Variants in ZNF354B observed in about 807,000 individuals in gnomAD.
ZNF354B encodes the protein zinc finger protein 354B.
In ZNF354B, 10 loss-of-function variants were observed where a neutral mutation model predicts 12.9. The ratio of observed to expected loss-of-function variants is 0.77; its 90% CI spans 0.48 to 1.31. The LOEUF is 1.31. ZNF354B is among the 40% of genes most tolerant of loss of function. The pLI is 0.00. For missense variants in ZNF354B, 614 were observed against 711.7 expected (o/e 0.86, Z 1.56); for synonymous variants, 260 against 243.7 (o/e 1.07, Z -0.62).
intron 4 of ZNF354B, among the ~76,000 whole-genome samples, chr5:178,870,110 G>A (rs955521163): frequency 6.6e-6 from 1 of 152,022 alleles, no homozygotes; most frequent in African/African-American, 2.4e-5. Context: ...CCAGGGGTTC[G>A]AGACCAACCT....
chr5:178,880,066 C>T (rs1402764380), intron 4 of ZNF354B, among the ~76,000 whole-genome samples: 1 of 152,044 alleles, frequency 6.6e-6, no homozygotes, highest in Non-Finnish European at 1.5e-5. Flanking sequence ...GTGGAGGTTG[C>T]AGTGAGCTGA....
chr5:178,866,508 AC>A, intron 3 of ZNF354B, 138 bp downstream of exon 3: 2 of 1,326,958 alleles, frequency 1.5e-6, no homozygotes, highest in Non-Finnish European at 2.0e-6. Context: ...CTGTAAATAA[AC>A]ATTGATAACT....
At chr5:178,867,148 T>C (rs1427814182) in intron 4 of ZNF354B, 77 bp downstream of exon 4, 1 of 1,366,470 alleles carries the variant, frequency 7.3e-7, no homozygotes, top group African/African-American at 1.5e-5. Flanking sequence ...GGAACATTGG[T>C]TGGGAAACTC....
chr5:178,882,249 G>T (rs761259107), intron 4 of ZNF354B, among the ~76,000 whole-genome samples: 2 of 152,150 alleles, frequency 1.3e-5, no homozygotes, highest in Non-Finnish European at 2.9e-5. Flanking sequence ...ATAATAAGGG[G>T]AGTGAGTTGT....
chr5:178,874,603 T>C (rs1395088268), intron 4 of ZNF354B, among the ~76,000 whole-genome samples: 1 of 152,240 alleles, frequency 6.6e-6, no homozygotes. Context: ...TGGTTCTTTC[T>C]TATCATGGCC....
chr5:178,873,546 G>A (rs79864709), intron 4 of ZNF354B, among the ~76,000 whole-genome samples: 5,937 of 152,118 alleles, frequency 0.039, 407 homozygotes, highest in African/African-American at 0.14. Context: ...TTTCCTCTGC[G>A]GAGTTCTTTG....
In ZNF354B at chr5:178,883,071, AT is replaced by A; in HGVS notation, c.620del (p.Ile207ThrfsTer42). 1.2e-6 allele frequency: 2 copies of A among 1,605,774 alleles called. No individual in the cohort carries two copies. Among genetic ancestry groups the A allele is most frequent in the Non-Finnish European group, 1.7e-6 (2 of 1,177,980 alleles). ...TTCAAATTTACTTAACCAATCAAAA[AT>A]CAAAACAGCAGAGAAACGCTATAAA... ...QNSNLLNQSK[I>X]KTAEKRYKCS... On this transcript the variant is annotated frameshift_variant, in exon 5 of 5. Coordinates refer to ENST00000322434, the MANE Select transcript of ZNF354B (RefSeq NM_058230.3). LOFTEE classifies it low-confidence loss of function (END_TRUNC).
intron 4 of ZNF354B, among the ~76,000 whole-genome samples, chr5:178,881,422 G>C (rs1156768561): frequency 1.3e-5 from 2 of 152,236 alleles, no homozygotes; most frequent in African/African-American, 4.8e-5. Flanking sequence ...TTAATGCACT[G>C]ACATTTGTAT....
In ZNF354B at chr5:178,882,996, G is replaced by A; in HGVS notation, c.544G>A (p.Glu182Lys). Residue 182 changes from glutamate (E) to lysine (K), a missense_variant, in exon 5 of 5, where the codon GAA (glutamate) becomes AAA (lysine). Glu to Lys is a moderately conservative substitution (Grantham distance 56, BLOSUM62 1). Transcript: ENST00000322434. The part of the protein sequence containing the change: ...VFIKQQRFAK[E>K]KTPSKCEIQR... Reference sequence around the variant, plus strand: ...CATTAAGCAACAGAGATTTGCTAAAGAAAAAACTCCATCAAAATGTGAAAT... The same window carrying A: ...CATTAAGCAACAGAGATTTGCTAAAAAAAAAACTCCATCAAAATGTGAAAT... 1 of 1,606,932 alleles carries A rather than the reference G, an allele frequency of 6.2e-7. No homozygotes were observed. Among genetic ancestry groups the A allele is most frequent in the African/African-American group, 1.3e-5 (1 of 74,572 alleles).
In ZNF354B at chr5:178,868,485, G is replaced by C. The variant is rs757709707; in HGVS notation, c.256+1414G>C. ...AAGGGACACAGGTCTCCTGCTTCTG[G>C]AGTGCACGATCTAGTGGGGGACAAG... is the stretch of plus-strand genomic sequence containing the variant. On this transcript the variant is annotated intron_variant, in intron 4 of 4. Coordinates refer to ENST00000322434, the MANE Select transcript of ZNF354B (RefSeq NM_058230.3). Among the ~76,000 whole-genome samples the C allele has an allele frequency of 2.6e-3, 396 of 151,582 alleles. 1 individual carries two copies. Among genetic ancestry groups the C allele is most frequent in the Non-Finnish European group, 4.2e-3 (285 of 67,932 alleles).
intron 4 of ZNF354B, among the ~76,000 whole-genome samples, chr5:178,872,845 G>A (rs1311117628): frequency 3.9e-5 from 6 of 152,040 alleles, no homozygotes; most frequent in East Asian, 3.9e-4. Flanking sequence ...GGAGTACAGC[G>A]GTGCGATCTC....
chr5:178,867,013 G>A lies in ZNF354B; in HGVS notation c.198G>A (p.Leu66=), dbSNP rs144905783. Residue 66 remains leucine (L), a synonymous_variant, in exon 4 of 5, where the codon TTG becomes TTA. Coordinates refer to ENST00000322434, the MANE Select transcript of ZNF354B (RefSeq NM_058230.3). Reference sequence around the variant, plus strand: ...CCAAACCAAAAGTCATCTCCCTGTTGCAGCAAGGAGAAGATCCCTGGGAGG... The same window carrying A: ...CCAAACCAAAAGTCATCTCCCTGTTACAGCAAGGAGAAGATCCCTGGGAGG... ...SFTKPKVISL[L]QQGEDPWEVE... is the part of the protein sequence containing the mutation. 5.0e-5 allele frequency: 80 copies of A among 1,613,886 alleles called. No individual in the cohort carries two copies. The highest frequency in any genetic ancestry group is 7.6e-6 in the Non-Finnish European group (9 of 1,179,964).
chr5:178,863,523 A>G (rs955572268), intron 2 of ZNF354B, among the ~76,000 whole-genome samples: 1 of 152,232 alleles, frequency 6.6e-6, no homozygotes, highest in East Asian at 1.9e-4. Flanking sequence ...CCAGTCCTAT[A>G]AAAGTATACA....
At chr5:178,867,499 T>C (rs1274910696) in intron 4 of ZNF354B, among the ~76,000 whole-genome samples, 2 of 152,044 alleles carry the variant, frequency 1.3e-5, no homozygotes, top group African/African-American at 4.8e-5. Context: ...CTGGAAATAA[T>C]GGAAGGATTT....
chr5:178,871,915 A>G (rs930644420), intron 4 of ZNF354B, among the ~76,000 whole-genome samples: 1 of 152,104 alleles, frequency 6.6e-6, no homozygotes, highest in African/African-American at 2.4e-5. Flanking sequence ...TTTTTAGAAA[A>G]TTTTTTATTT....
Position 178,883,208 on chromosome 5 carries a change from C to A in ZNF354B, c.756C>A (p.Ser252Arg). 6.2e-7 allele frequency: 1 copy of A among 1,613,426 alleles called. No individual in the cohort carries two copies. Among genetic ancestry groups the A allele is most frequent in the Non-Finnish European group, 8.5e-7 (1 of 1,179,858 alleles). Residue 252 changes from serine to arginine, a missense_variant, in exon 5 of 5, where the codon AGC becomes AGA. Ser to Arg is a moderately radical substitution (Grantham distance 110). Coordinates refer to ENST00000322434, the MANE Select transcript of ZNF354B (RefSeq NM_058230.3). The part of the protein sequence containing the change: ...FKCKECLKAF[S>R]QSSALIQHQR... ...GTAAAGAATGTTTAAAAGCTTTCAGCCAAAGTTCTGCTCTTATTCAACATC... is the reference window on the plus strand; with the variant it reads ...GTAAAGAATGTTTAAAAGCTTTCAGACAAAGTTCTGCTCTTATTCAACATC...
At chr5:178,864,692 G>A (rs1456100065) in intron 2 of ZNF354B, among the ~76,000 whole-genome samples, 2 of 150,706 alleles carry the variant, frequency 1.3e-5, no homozygotes, top group Non-Finnish European at 2.9e-5. Context: ...GTGCAGTCTC[G>A]GCTCACTGCA....
At chr5:178,880,620 T>C (rs72814700) in intron 4 of ZNF354B, among the ~76,000 whole-genome samples, 27,543 of 150,354 alleles carry the variant, frequency 0.18, 2,795 homozygotes, top group Non-Finnish European at 0.24. Flanking sequence ...CAGCCTTTTA[T>C]GTAGCCAGGA....
Position 178,883,700 on chromosome 5 carries a change from G to C in ZNF354B, c.1248G>C (p.Gly416=). Residue 416 remains glycine (G), a synonymous_variant, in exon 5 of 5, where the codon GGG becomes GGC. Transcript: ENST00000322434. ...GEKPYRCNEC[G]KGFTSISRLN... is the part of the protein sequence containing the mutation. ...AGCCCTATAGATGCAATGAATGTGG[G>C]AAAGGCTTTACTTCTATTTCACGAC... 2 of 1,614,088 alleles carry C rather than the reference G, an allele frequency of 1.2e-6. No homozygotes were observed. The highest frequency in any genetic ancestry group is 1.7e-6 in the Non-Finnish European group (2 of 1,179,986).
Sources: allele counts gnomAD v4.1 joint callset (sites outside exome capture counted in the v4.1 genomes callset), GRCh38; gene constraint gnomAD v4.1.1; transcripts MANE v1.5; gene names NCBI Gene and HGNC (gene_info 2026-07-23, HGNC 2026-07-21).